SGCZ: variants seen among roughly 807,000 people sequenced by gnomAD.
The protein encoded by SGCZ is sarcoglycan zeta.
A neutral mutation model predicts 41.3 loss-of-function variants in SGCZ; 40 were observed. The observed-to-expected ratio is 0.97, with a 90% CI of 0.75 to 1.26. The LOEUF (loss-of-function observed/expected upper bound fraction) is 1.26. Among genes scored for constraint, SGCZ ranks in the 50% most tolerant of loss-of-function variants. The pLI is 0.00. For missense variants in SGCZ, 552 were observed against 369.8 expected (o/e 1.49, Z -4.04); for synonymous variants, 206 against 137.5 (o/e 1.50, Z -3.49).
chr8:14,306,955 T>G (rs988314173), intron 3 of SGCZ, among the ~76,000 whole-genome samples: 1 of 152,192 alleles, frequency 6.6e-6, no homozygotes, highest in Admixed American at 6.5e-5. Flanking sequence ...ACTTCACAAA[T>G]AGTTCTCAGC....
chr8:14,940,632 G>C (rs1800241794), intron 1 of SGCZ, among the ~76,000 whole-genome samples: 1 of 152,064 alleles, frequency 6.6e-6, no homozygotes, highest in Admixed American at 6.6e-5. Flanking sequence ...TAAATATTCT[G>C]TTAAGCACTG....
chr8:14,918,545 G>A (rs1799504164), intron 1 of SGCZ, among the ~76,000 whole-genome samples: 1 of 152,102 alleles, frequency 6.6e-6, no homozygotes, highest in South Asian at 2.1e-4. Context: ...GAAGTCCAAG[G>A]ATATTTGAGT....
At chr8:15,057,558 C>A (rs886619524) in intron 1 of SGCZ, among the ~76,000 whole-genome samples, 2 of 152,058 alleles carry the variant, frequency 1.3e-5, no homozygotes, top group African/African-American at 2.4e-5. Flanking sequence ...ATTAATTAAA[C>A]AAGCTTATGA....
chr8:14,583,946 G>C (rs1301121563), intron 1 of SGCZ, among the ~76,000 whole-genome samples: 5 of 151,828 alleles, frequency 3.3e-5, no homozygotes, highest in Non-Finnish European at 5.9e-5. Context: ...AATTATTTTT[G>C]TAACAGGGCA....
intron 1 of SGCZ, among the ~76,000 whole-genome samples, chr8:15,103,696 G>T (rs1308450134): frequency 1.3e-5 from 2 of 151,910 alleles, no homozygotes; most frequent in Non-Finnish European, 2.9e-5. Flanking sequence ...TCACAAACAG[G>T]ATCAAAGGTT....
chr8:14,306,465 A>C (rs1801355885), intron 3 of SGCZ, among the ~76,000 whole-genome samples: 1 of 152,168 alleles, frequency 6.6e-6, no homozygotes, highest in African/African-American at 2.4e-5. Flanking sequence ...TCATTCTACT[A>C]GATTGGATTA....
chr8:14,967,903 G>A (rs931535770), intron 1 of SGCZ, among the ~76,000 whole-genome samples: 4 of 152,096 alleles, frequency 2.6e-5, no homozygotes, highest in African/African-American at 4.8e-5. Flanking sequence ...CTACTCCAGG[G>A]ACAGTCACTC....
At chr8:15,029,212 C>T (rs1170257988) in intron 1 of SGCZ, among the ~76,000 whole-genome samples, 5 of 151,908 alleles carry the variant, frequency 3.3e-5, no homozygotes, top group African/African-American at 1.2e-4. Flanking sequence ...GCTTTGGTAC[C>T]CTACTTTAAT....
At chr8:14,981,954 A>T (rs565267927) in intron 1 of SGCZ, among the ~76,000 whole-genome samples, 1 of 152,276 alleles carries the variant, frequency 6.6e-6, no homozygotes, top group East Asian at 1.9e-4. Flanking sequence ...GTTCAAGACC[A>T]GCCTGGCCAA....
At chr8:14,715,336 C>T (rs1302879415) in intron 1 of SGCZ, among the ~76,000 whole-genome samples, 2 of 151,970 alleles carry the variant, frequency 1.3e-5, no homozygotes, top group African/African-American at 4.8e-5. Flanking sequence ...ATTTAATGCA[C>T]AGATAAGCTG....
chr8:14,295,260 G>A (rs894444506), intron 3 of SGCZ, among the ~76,000 whole-genome samples: 1 of 152,130 alleles, frequency 6.6e-6, no homozygotes. Flanking sequence ...ACCCATGAAA[G>A]GGAACAAGAT....
chr8:14,886,071 G>A (rs939646838), intron 1 of SGCZ, among the ~76,000 whole-genome samples: 7 of 127,398 alleles, frequency 5.5e-5, no homozygotes, highest in Admixed American at 1.7e-4. Context: ...TAAGGTAATA[G>A]CACATTAATT....
chr8:14,778,235 A>G (rs977122059), intron 1 of SGCZ, among the ~76,000 whole-genome samples: 1 of 152,146 alleles, frequency 6.6e-6, no homozygotes, highest in Admixed American at 6.5e-5. Context: ...TATAAATTAT[A>G]TTAGTTAACA....
intron 1 of SGCZ, among the ~76,000 whole-genome samples, chr8:14,923,649 A>C (rs921426637): frequency 1.3e-5 from 2 of 152,260 alleles, no homozygotes; most frequent in African/African-American, 4.8e-5. Flanking sequence ...TTTAAAGTAC[A>C]TTGGAAACAT....
chr8:14,367,605 G>C (rs919429745), intron 2 of SGCZ, among the ~76,000 whole-genome samples: 2 of 152,076 alleles, frequency 1.3e-5, no homozygotes, highest in Admixed American at 1.3e-4. Flanking sequence ...CGAAAGAGGA[G>C]GAAAGGTACA....
At chr8:14,208,197 A>G (rs1805680891) in intron 4 of SGCZ, among the ~76,000 whole-genome samples, 1 of 152,220 alleles carries the variant, frequency 6.6e-6, no homozygotes, top group Non-Finnish European at 1.5e-5. Context: ...GCTCTGTTGA[A>G]AGTTTTGGAT....
chr8:14,369,356 C>T (rs993255680), intron 2 of SGCZ, among the ~76,000 whole-genome samples: 1 of 151,844 alleles, frequency 6.6e-6, no homozygotes, highest in Non-Finnish European at 1.5e-5. Context: ...TTTTGTAGAA[C>T]AGTCCTCAAT....
intron 1 of SGCZ, among the ~76,000 whole-genome samples, chr8:15,209,715 G>GT (rs1382230281): frequency 6.6e-6 from 1 of 151,952 alleles, no homozygotes; most frequent in Non-Finnish European, 1.5e-5. Context: ...CATATTTCAA[G>GT]TTTGTCTTAT....
At chr8:14,631,840 T>C (rs1445069666) in intron 1 of SGCZ, among the ~76,000 whole-genome samples, 1 of 152,054 alleles carries the variant, frequency 6.6e-6, no homozygotes. Flanking sequence ...ATATGCTTTA[T>C]TTTAAAAAGA....
Sources: allele counts gnomAD v4.1 joint callset (sites outside exome capture counted in the v4.1 genomes callset), GRCh38; gene constraint gnomAD v4.1.1; transcripts MANE v1.5; gene names NCBI Gene and HGNC (gene_info 2026-07-23, HGNC 2026-07-21).